Variants in UBQLN1 observed in about 807,000 individuals in gnomAD.
UBQLN1 encodes the protein ubiquilin 1.
A neutral mutation model predicts 65.4 loss-of-function variants in UBQLN1; 13 were observed. That is an observed-to-expected ratio of 0.20 (90% CI 0.13 to 0.32). UBQLN1 has a LOEUF of 0.32. UBQLN1 is among the 10% of genes least tolerant of loss of function. The probability of loss-of-function intolerance (pLI) is 1.00; values close to 1 mark genes in which losing one functional copy is unlikely to be tolerated. For missense variants in UBQLN1, 561 were observed against 724.0 expected (o/e 0.77, Z 2.58); for synonymous variants, 267 against 247.8 (o/e 1.08, Z -0.73).
At chr9:83,673,034 A>G (rs1450637925) in intron 6 of UBQLN1, among the ~76,000 whole-genome samples, 1 of 152,242 alleles carries the variant, frequency 6.6e-6, no homozygotes, top group Non-Finnish European at 1.5e-5. Flanking sequence ...GAGTTCAAGC[A>G]GCCTGGCCAA....
rs934388347 is a variant in UBQLN1, at chr9:83,678,368, C to T, written c.870+73G>A. The T allele has an allele frequency of 6.0e-6, 9 of 1,497,838 alleles. No individual in the cohort carries two copies. In the African/African-American group the frequency reaches 1.1e-4, roughly 19 times the overall value. The allele number at this position is 1,497,838 out of a possible 1,614,324, so 92.8% of individuals were successfully genotyped here. ...AACCACATTCCTCATATAAAAGCTA[C>T]CCTCAATCATACACATATTTGTGTT... On this transcript the variant is annotated intron_variant, in intron 5 of 10. Coordinates refer to ENST00000376395, the MANE Select transcript of UBQLN1 (RefSeq NM_013438.5).
At chr9:83,702,156 G>A (rs2131189702) in intron 1 of UBQLN1, among the ~76,000 whole-genome samples, 1 of 152,276 alleles carries the variant, frequency 6.6e-6, no homozygotes, top group Middle Eastern at 3.4e-3. Flanking sequence ...GGGGGCCCAG[G>A]GAGAAACGAA....
intron 1 of UBQLN1, among the ~76,000 whole-genome samples, chr9:83,688,744 C>G (rs1012359344): frequency 7.9e-5 from 12 of 151,858 alleles, no homozygotes; most frequent in Admixed American, 7.9e-4. Flanking sequence ...GTCTGTAATC[C>G]CAGCTACTCA....
chr9:83,664,923 CAAAAAAAAAAA>C (rs539581441), intron 9 of UBQLN1, 96 bp downstream of exon 9: 250 of 231,750 alleles, frequency 1.1e-3, no homozygotes, highest in African/African-American at 7.7e-3. Context: ...TGTATCCCAC[CAAAAAAAAAAA>C]AAAAAAAAAA....
At chr9:83,668,187 A>T (rs1306184310) in intron 7 of UBQLN1, 1 of 985,264 alleles carries the variant, frequency 1.0e-6, no homozygotes, top group Non-Finnish European at 1.2e-6. Context: ...ATTCTTCTTA[A>T]AATTTGTTAT....
chr9:83,691,423 A>C (rs748576602), intron 1 of UBQLN1, among the ~76,000 whole-genome samples: 52 of 152,304 alleles, frequency 3.4e-4, no homozygotes, highest in Non-Finnish European at 6.9e-4. Flanking sequence ...AACAGCAATG[A>C]ATATAGCTCA....
Position 83,685,999 on chromosome 9 carries a change from C to T in UBQLN1, c.332+5G>A. On this transcript the variant is annotated splice_donor_5th_base_variant and intron_variant, in intron 2 of 10. Coordinates refer to ENST00000376395, the MANE Select transcript of UBQLN1 (RefSeq NM_013438.5). ...TTTAAAGCTGTACATCTTCCAAAAC[C>T]ATACCTGTTTTGTGTTTTAATGACA... 1 of 1,599,130 alleles carries T rather than the reference C, an allele frequency of 6.3e-7. No individual in the cohort carries two copies. The highest frequency in any genetic ancestry group is 2.3e-5 in the East Asian group (1 of 43,510).
At chr9:83,684,642 T>C (rs1832007712) in intron 2 of UBQLN1, among the ~76,000 whole-genome samples, 1 of 151,902 alleles carries the variant, frequency 6.6e-6, no homozygotes, top group Non-Finnish European at 1.5e-5. Flanking sequence ...GGAAACCCCG[T>C]CTCTATCAAA....
chr9:83,699,648 A>G (rs909361876), intron 1 of UBQLN1, among the ~76,000 whole-genome samples: 6 of 152,364 alleles, frequency 3.9e-5, no homozygotes, highest in African/African-American at 1.4e-4. Context: ...CCCAGCTCAC[A>G]TTGTATTTCT....
chr9:83,661,937 T>C lies in UBQLN1; in HGVS notation c.1620A>G (p.Leu540=). Residue 540 remains leucine (L), a splice_region_variant and synonymous_variant, in exon 11 of 11, where the codon CTA becomes CTG. Coordinates refer to ENST00000376395, the MANE Select transcript of UBQLN1 (RefSeq NM_013438.5). ...LQALAGVNPQ[L]QNPEVRFQQQ... Reference sequence around the variant, plus strand: ...GCTGAAATCTGACTTCTGGATTCTGTAGCTATTAAAGAAAAAAAAAATTAA... The same window carrying C: ...GCTGAAATCTGACTTCTGGATTCTGCAGCTATTAAAGAAAAAAAAAATTAA... 3 of 1,608,040 alleles carry C rather than the reference T, an allele frequency of 1.9e-6. No individual in the cohort carries two copies. Among genetic ancestry groups the C allele is most frequent in the Non-Finnish European group, 2.5e-6 (3 of 1,177,652 alleles).
chr9:83,665,118 T>A lies in UBQLN1; in HGVS notation c.1360A>T (p.Met454Leu). The change falls in exon 9 of 11, where the codon ATG becomes TTG. Residue 454 changes from methionine (M) to leucine (L), a missense_variant. Physicochemically the swap from Met to Leu is conservative, Grantham distance 15 (BLOSUM62 2). Around this residue, in one of 8 missense-constraint regions of UBQLN1, gnomAD observed 102 missense variants for 150.7 expected, o/e 0.68. Coordinates refer to ENST00000376395, the MANE Select transcript of UBQLN1 (RefSeq NM_013438.5). ...GCCTGCATTGCTCTAGGGTTTGACA[T>A]TGCTGATAGTGTATCAGGATTCTGC... ...QMQNPDTLSA[M>L]SNPRAMQALL... 6.2e-7 allele frequency: 1 copy of A among 1,613,490 alleles called. No homozygotes were observed. The highest frequency in any genetic ancestry group is 8.5e-7 in the Non-Finnish European group (1 of 1,179,794).
chr9:83,668,952 C>A (rs1356875204), intron 7 of UBQLN1: 6 of 450,752 alleles, frequency 1.3e-5, no homozygotes, highest in South Asian at 4.0e-5. Context: ...ACAAACTAAA[C>A]CTGCACTTCT....
At chr9:83,684,448 C>A (rs1164999699) in intron 2 of UBQLN1, among the ~76,000 whole-genome samples, 1 of 151,934 alleles carries the variant, frequency 6.6e-6, no homozygotes, top group Non-Finnish European at 1.5e-5. Context: ...GCCCACCTCA[C>A]CCTCCCAAAG....
intron 6 of UBQLN1, among the ~76,000 whole-genome samples, chr9:83,673,061 C>T (rs1339728096): frequency 3.3e-5 from 5 of 152,118 alleles, no homozygotes; most frequent in African/African-American, 1.2e-4. Context: ...GAAACCCCGT[C>T]TCCACTAAAG....
At chr9:83,697,733 C>CTTTTT (rs35319221) in intron 1 of UBQLN1, among the ~76,000 whole-genome samples, 87 of 98,334 alleles carry the variant, frequency 8.8e-4, no homozygotes, top group African/African-American at 3.5e-3. Flanking sequence ...TTTTTGTACC[C>CTTTTT]TTTTTTTTTT....
At chr9:83,681,374 A>G (rs945185860) in intron 3 of UBQLN1, among the ~76,000 whole-genome samples, 5 of 152,248 alleles carry the variant, frequency 3.3e-5, no homozygotes, top group African/African-American at 7.2e-5. Flanking sequence ...AGGCAACAAG[A>G]AAGACATCCT....
chr9:83,663,958 T>G lies in UBQLN1; in HGVS notation c.1534A>C (p.Ser512Arg), dbSNP rs1468786882. ...GGTTCAGTGGTTCCTGCTGTGGGAC[T>G]TGTGTTTTCACTAGGTGTGGCGTTA... ...GSNATPSENT[S>R]PTAGTTEPGH... is the part of the protein sequence containing the mutation. Residue 512 changes from serine to arginine, a missense_variant, in exon 10 of 11, where the codon AGT (serine) becomes CGT (arginine). Around this residue, in one of 8 missense-constraint regions of UBQLN1, gnomAD observed 68 missense variants for 62.2 expected, o/e 1.09. Transcript: ENST00000376395. 1 of 1,614,220 alleles carries G rather than the reference T, an allele frequency of 6.2e-7. No individual in the cohort carries two copies. Among genetic ancestry groups the G allele is most frequent in the Non-Finnish European group, 8.5e-7 (1 of 1,180,034 alleles).
chr9:83,677,051 G>A lies in UBQLN1; in HGVS notation c.1105+676C>T, dbSNP rs370703138. Among the ~76,000 whole-genome samples the A allele has an allele frequency of 5.9e-5, 9 of 152,148 alleles. No individual in the cohort carries two copies. In the East Asian group the frequency reaches 7.7e-4, roughly 13 times the overall value. On this transcript the variant is annotated intron_variant, in intron 6 of 10. Coordinates refer to ENST00000376395, the MANE Select transcript of UBQLN1 (RefSeq NM_013438.5). Reference sequence around the variant, plus strand: ...AAGATTTGGCTCCACAAAGTCTGAGGGTAAGATCTGGGAATCTGATTTTTA... The same window carrying A: ...AAGATTTGGCTCCACAAAGTCTGAGAGTAAGATCTGGGAATCTGATTTTTA...
At chr9:83,700,831 T>A (rs1258407655) in intron 1 of UBQLN1, among the ~76,000 whole-genome samples, 2 of 152,132 alleles carry the variant, frequency 1.3e-5, no homozygotes, top group African/African-American at 4.8e-5. Context: ...TGGAACCGTA[T>A]TACACAGGGC....
Sources: gnomAD v4.1 joint callset for allele counts (sites outside exome capture counted in the v4.1 genomes callset) on GRCh38, gnomAD v4.1.1 for gene constraint, gnomAD v4.1.1 regional missense constraint, MANE v1.5 for transcripts, NCBI Gene and HGNC (gene_info 2026-07-23, HGNC 2026-07-21) for gene names.